The following GBE1 variants were observed in gnomAD, a reference collection of about 807,000 sequenced individuals.
The protein encoded by GBE1 is 1,4-alpha-glucan branching enzyme 1.
In GBE1, 70 loss-of-function variants were observed where a neutral mutation model predicts 88.8. The ratio of observed to expected loss-of-function variants is 0.79; its 90% CI spans 0.65 to 0.96. The LOEUF is 0.96. GBE1 is among the 40% of genes least tolerant of loss of function. The pLI, the probability that GBE1 is intolerant of heterozygous loss-of-function variation, is 0.00. For synonymous variants in GBE1, 284 were observed against 300.1 expected (o/e 0.95, Z 0.56); for missense variants, 872 against 871.0 (o/e 1.00, Z -0.01).
At chr3:81,581,101 A>T (rs1442629875) in intron 11 of GBE1, 64 bp downstream of exon 11, 3 of 887,814 alleles carry the variant, frequency 3.4e-6, no homozygotes, top group Non-Finnish European at 5.4e-6. Context: ...ATATGTTATT[A>T]AGGAGAGGGA....
chr3:81,596,636 A>G (rs1257129732), intron 7 of GBE1, among the ~76,000 whole-genome samples: 4 of 151,952 alleles, frequency 2.6e-5, no homozygotes, highest in Non-Finnish European at 5.9e-5. Flanking sequence ...TAATTATAAA[A>G]TACTTAGGAC....
intron 2 of GBE1, among the ~76,000 whole-genome samples, chr3:81,682,352 C>T (rs1258044923): frequency 1.3e-5 from 2 of 152,102 alleles, no homozygotes; most frequent in Non-Finnish European, 1.5e-5. Context: ...GTCCTAGCTA[C>T]TCAGGAGGCT....
At chr3:81,750,615 A>ATATATATG (rs1706503140) in intron 1 of GBE1, among the ~76,000 whole-genome samples, 2 of 69,528 alleles carry the variant, frequency 2.9e-5, no homozygotes, top group African/African-American at 1.8e-4. Context: ...ATATATATAT[A>ATATATATG]TGTATATATA....
intron 12 of GBE1, among the ~76,000 whole-genome samples, chr3:81,573,487 G>A (rs185167340): frequency 2.9e-4 from 44 of 152,244 alleles, no homozygotes; most frequent in Non-Finnish European, 5.6e-4. Flanking sequence ...CCTAGTGCAT[G>A]CATTACTATA....
At chr3:81,548,167 G>A (rs1006789673) in intron 12 of GBE1, among the ~76,000 whole-genome samples, 1 of 151,354 alleles carries the variant, frequency 6.6e-6, no homozygotes, top group African/African-American at 2.4e-5. Context: ...CCTTGCAACC[G>A]GAATTTGGCT....
chr3:81,493,932 C>A (rs566258674), intron 15 of GBE1, among the ~76,000 whole-genome samples: 7 of 151,862 alleles, frequency 4.6e-5, no homozygotes, highest in African/African-American at 1.7e-4. Flanking sequence ...AAAAATGCTC[C>A]AAGAACACTC....
intron 14 of GBE1, among the ~76,000 whole-genome samples, chr3:81,523,915 C>A (rs1702906701): frequency 6.6e-6 from 1 of 151,670 alleles, no homozygotes. Flanking sequence ...GACACTTAGG[C>A]TGATTCCAAA....
chr3:81,582,862 G>GA (rs1424665736), intron 10 of GBE1, among the ~76,000 whole-genome samples: 1 of 151,798 alleles, frequency 6.6e-6, no homozygotes, highest in African/African-American at 2.4e-5. Context: ...CTATACAAGG[G>GA]AAAAAATGAT....
intron 2 of GBE1, among the ~76,000 whole-genome samples, chr3:81,703,930 A>C (rs1389482407): frequency 6.6e-6 from 1 of 151,998 alleles, no homozygotes; most frequent in Non-Finnish European, 1.5e-5. Context: ...ATACTACATC[A>C]TTTTATACAA....
chr3:81,704,027 A>G (rs1455734178), intron 2 of GBE1, among the ~76,000 whole-genome samples: 1 of 152,022 alleles, frequency 6.6e-6, no homozygotes, highest in Admixed American at 6.6e-5. Context: ...TGTATTTGCA[A>G]TGAAAACTTA....
intron 2 of GBE1, among the ~76,000 whole-genome samples, chr3:81,689,279 C>A (rs1173587828): frequency 6.6e-6 from 1 of 152,128 alleles, no homozygotes; most frequent in East Asian, 1.9e-4. Flanking sequence ...TTTTAAAAAG[C>A]TTGAGGCCAT....
At chr3:81,750,641 A>ACG (rs1706507652) in intron 1 of GBE1, among the ~76,000 whole-genome samples, 1 of 53,086 alleles carries the variant, frequency 1.9e-5, no homozygotes. Context: ...GTATATATAT[A>ACG]TATGTATATA....
At chr3:81,750,639 ATATATG>A (rs1394610826) in intron 1 of GBE1, among the ~76,000 whole-genome samples, 768 of 54,410 alleles carry the variant, frequency 0.014, 53 homozygotes, top group East Asian at 0.045. Flanking sequence ...ACGTATATAT[ATATATG>A]TATATATATA....
At chr3:81,609,517 A>T (rs1704144677) in intron 7 of GBE1, among the ~76,000 whole-genome samples, 1 of 152,150 alleles carries the variant, frequency 6.6e-6, no homozygotes, top group Non-Finnish European at 1.5e-5. Context: ...CTGTACTTCT[A>T]AAATCTTATT....
chr3:81,588,244 A>G (rs2106948118), intron 9 of GBE1, among the ~76,000 whole-genome samples: 1 of 152,258 alleles, frequency 6.6e-6, no homozygotes, highest in Middle Eastern at 3.4e-3. Flanking sequence ...AAAGATCAGT[A>G]GAAAAGAAGC....
chr3:81,570,472 T>C (rs1483315584), intron 12 of GBE1, among the ~76,000 whole-genome samples: 1 of 152,234 alleles, frequency 6.6e-6, no homozygotes, highest in Non-Finnish European at 1.5e-5. Context: ...AGGGAGAAGA[T>C]GAAGGTTGAT....
Position 81,489,913 on chromosome 3 carries a change from T to A in GBE1, c.*494A>T, listed in dbSNP as rs145934828. ...TGGATATAATTCTTTATATCACTACTGCATATTTATTACAGTATTTCTAAA... is the reference window on the plus strand; with the variant it reads ...TGGATATAATTCTTTATATCACTACAGCATATTTATTACAGTATTTCTAAA... On this transcript the variant is annotated 3_prime_UTR_variant, in exon 16 of 16. Transcript: ENST00000429644. 3.6e-3 allele frequency: 561 copies of A among 155,178 alleles called. 4 individuals carry two copies. The highest frequency in any genetic ancestry group is 0.023 in the Middle Eastern group (7 of 310). 9.6% of individuals were successfully genotyped at this position (155,178 alleles called of 1,614,324 possible).
chr3:81,737,336 T>C (rs1487832279), intron 1 of GBE1, among the ~76,000 whole-genome samples: 1 of 91,194 alleles, frequency 1.1e-5, no homozygotes, highest in African/African-American at 4.4e-5. Flanking sequence ...TATATTTTTA[T>C]ATATATTTAT....
chr3:81,612,340 T>C (rs1704194354), intron 7 of GBE1: 4 of 842,962 alleles, frequency 4.7e-6, no homozygotes. Flanking sequence ...CAGATTTCCA[T>C]TTGATTTCGG....
Sources: gnomAD v4.1 joint callset for allele counts (sites outside exome capture counted in the v4.1 genomes callset) on GRCh38, gnomAD v4.1.1 for gene constraint, MANE v1.5 for transcripts, NCBI Gene and HGNC (gene_info 2026-07-23, HGNC 2026-07-21) for gene names.